Variants in MPHOSPH8 observed in about 807,000 individuals in gnomAD.
MPHOSPH8 encodes M-phase phosphoprotein 8.
In MPHOSPH8, 45 loss-of-function variants were observed where a neutral mutation model predicts 87.3. That is an observed-to-expected ratio of 0.52 (90% confidence interval 0.41 to 0.66). The LOEUF (loss-of-function observed/expected upper bound fraction) is 0.66. MPHOSPH8 is among the 30% of genes least tolerant of loss of function. The pLI is 0.00. For synonymous variants in MPHOSPH8, 366 were observed against 376.9 expected, an observed-to-expected ratio of 0.97 and a Z score of 0.33; for missense variants, 883 against 1,020.2, an observed-to-expected ratio of 0.87 and a Z score of 1.83.
intron 7 of MPHOSPH8, chr13:19,659,710 T>A: frequency 2.4e-6 from 1 of 422,944 alleles, no homozygotes. Context: ...AATAAAAAAA[T>A]TGTAGAACCC....
intron 11 of MPHOSPH8, among the ~76,000 whole-genome samples, chr13:19,668,873 A>C (rs1875965448): frequency 6.6e-6 from 1 of 152,180 alleles, no homozygotes; most frequent in Non-Finnish European, 1.5e-5. Context: ...AAAAGAAAAA[A>C]ATAGTCTTGC....
chr13:19,660,598 C>T (rs1343007142), intron 7 of MPHOSPH8, among the ~76,000 whole-genome samples: 1 of 152,186 alleles, frequency 6.6e-6, no homozygotes, highest in East Asian at 1.9e-4. Flanking sequence ...GGTAATTCTA[C>T]ATTCACTCAG....
chr13:19,634,912 G>A (rs1873910485), intron 1 of MPHOSPH8, among the ~76,000 whole-genome samples: 2 of 152,162 alleles, frequency 1.3e-5, no homozygotes, highest in African/African-American at 2.4e-5. Context: ...GCTGCCTTGT[G>A]TCAATTTTTT....
chr13:19,635,284 G>T (rs1873945496), intron 1 of MPHOSPH8, among the ~76,000 whole-genome samples: 1 of 152,158 alleles, frequency 6.6e-6, no homozygotes, highest in Admixed American at 6.5e-5. Context: ...ACTTTGGGAG[G>T]CCAAGGCGGA....
At chr13:19,642,016 A>C in intron 1 of MPHOSPH8, 99 bp from the exon 2 acceptor site, 19 of 983,860 alleles carry the variant, frequency 1.9e-5, no homozygotes, top group East Asian at 3.0e-5. Flanking sequence ...AGCAATTTTC[A>C]AGTTCTTTCA....
Position 19,671,896 on chromosome 13 carries a change from G to A in MPHOSPH8, c.*21G>A, listed in dbSNP as rs762843409. Reference sequence around the variant, plus strand: ...AGTGACCAAACAGAAGGGACTGGGCGGAGTTCTCTTCAGACCGATTCCTAT... The same window carrying A: ...AGTGACCAAACAGAAGGGACTGGGCAGAGTTCTCTTCAGACCGATTCCTAT... On this transcript the variant is annotated 3_prime_UTR_variant, in exon 14 of 14. Transcript: ENST00000361479. 1.6e-5 allele frequency: 25 copies of A among 1,612,098 alleles called. No individual in the cohort carries two copies. The highest frequency in any genetic ancestry group is 3.3e-5 in the South Asian group (3 of 91,044).
intron 9 of MPHOSPH8, among the ~76,000 whole-genome samples, chr13:19,664,047 C>T (rs1226615471): frequency 6.6e-6 from 1 of 152,128 alleles, no homozygotes; most frequent in Non-Finnish European, 1.5e-5. Context: ...GCAGTGGCAC[C>T]ATCATGACTC....
intron 8 of MPHOSPH8, among the ~76,000 whole-genome samples, 165 bp downstream of exon 8, chr13:19,662,003 A>G (rs944863385): frequency 6.7e-6 from 1 of 150,076 alleles, no homozygotes; most frequent in Admixed American, 6.7e-5. Context: ...GTGCAGTGGC[A>G]CGATCTCAGC....
chr13:19,662,372 GC>G (rs1370979919), intron 8 of MPHOSPH8, among the ~76,000 whole-genome samples: 2 of 152,108 alleles, frequency 1.3e-5, no homozygotes, highest in Non-Finnish European at 2.9e-5. Flanking sequence ...CAATCCTCTC[GC>G]CTCAGCCTCC....
chr13:19,650,312 T>G lies in MPHOSPH8; in HGVS notation c.1576+52T>G, dbSNP rs370654420. 1.3e-5 allele frequency: 20 copies of G among 1,560,886 alleles called. No homozygotes were observed. In the African/African-American group the frequency reaches 2.7e-4, roughly 21 times the overall value. On this transcript the variant is annotated intron_variant, in intron 5 of 13. Coordinates refer to ENST00000361479, the MANE Select transcript of MPHOSPH8 (RefSeq NM_017520.4). ...TTTTCAAGGTAGTGCACCATATTAT[T>G]TTACTGTACTCTTCTCTGTATTTCT...
intron 1 of MPHOSPH8, among the ~76,000 whole-genome samples, chr13:19,640,589 T>G (rs556829994): frequency 6.6e-6 from 1 of 152,074 alleles, no homozygotes; most frequent in African/African-American, 2.4e-5. Flanking sequence ...CAGGCTGGCT[T>G]CGAACTCCTG....
At chr13:19,657,436 A>G (rs1875250436) in intron 5 of MPHOSPH8, among the ~76,000 whole-genome samples, 1 of 151,016 alleles carries the variant, frequency 6.6e-6, no homozygotes, top group South Asian at 2.1e-4. Flanking sequence ...TGAGCAAAAC[A>G]TAGCTCATGC....
At chr13:19,650,862 C>T (rs188243221) in intron 5 of MPHOSPH8, among the ~76,000 whole-genome samples, 10 of 152,148 alleles carry the variant, frequency 6.6e-5, no homozygotes, top group South Asian at 4.1e-4. Flanking sequence ...CAGACTAGAT[C>T]GCCTGGGAAA....
intron 9 of MPHOSPH8, among the ~76,000 whole-genome samples, chr13:19,664,419 G>T (rs948919564): frequency 6.6e-6 from 1 of 152,156 alleles, no homozygotes; most frequent in African/African-American, 2.4e-5. Context: ...GGGCACAGAA[G>T]CCCCCTTCAT....
intron 3 of MPHOSPH8, 66 bp downstream of exon 3, chr13:19,647,357 A>C (rs1874624523): frequency 7.3e-7 from 1 of 1,374,266 alleles, no homozygotes; most frequent in East Asian, 2.3e-5. Flanking sequence ...AAGCAAGGAA[A>C]GGGAAACAGT....
At chr13:19,662,230 C>T (rs549505696) in intron 8 of MPHOSPH8, among the ~76,000 whole-genome samples, 196 of 152,134 alleles carry the variant, frequency 1.3e-3, no homozygotes, top group Non-Finnish European at 2.0e-3. Flanking sequence ...TGAGCCACCG[C>T]GCCTGGCTGT....
chr13:19,650,802 T>C (rs1398823914), intron 5 of MPHOSPH8, among the ~76,000 whole-genome samples: 1 of 152,194 alleles, frequency 6.6e-6, no homozygotes, highest in Non-Finnish European at 1.5e-5. Context: ...CTTTGTATAA[T>C]TTGTGAATCT....
chr13:19,673,337 A>G lies in MPHOSPH8; in HGVS notation c.*1462A>G, dbSNP rs1876264550. On this transcript the variant is annotated 3_prime_UTR_variant, in exon 14 of 14. Transcript: ENST00000361479. ...TGTATGAAATACGATTTTAATGAAA[A>G]CTTTTCAGAATTCACGTTTGTGTAG... The G allele has an allele frequency of 3.4e-6, 1 of 297,924 alleles. No homozygotes were observed. The highest frequency in any genetic ancestry group is 4.2e-5 in the Admixed American group (1 of 23,788). The allele number at this position is 297,924 out of a possible 1,614,324, so 18.5% of individuals were successfully genotyped here.
chr13:19,666,363 G>A (rs1376647006), intron 9 of MPHOSPH8, 62 bp from the exon 10 acceptor site: 1 of 1,485,662 alleles, frequency 6.7e-7, no homozygotes, highest in African/African-American at 1.4e-5. Context: ...TATGGAGAAG[G>A]GACCAGCACC....
Sources: allele counts gnomAD v4.1 joint callset (sites outside exome capture counted in the v4.1 genomes callset), GRCh38; gene constraint gnomAD v4.1.1; transcripts MANE v1.5; gene names NCBI Gene and HGNC (gene_info 2026-07-23, HGNC 2026-07-21).